Variants in SNRPC observed in about 807,000 individuals in gnomAD.
SNRPC encodes the protein small nuclear ribonucleoprotein polypeptide C, also known as U1 small nuclear ribonucleoprotein C.
In SNRPC, 5 loss-of-function variants were observed where a neutral mutation model predicts 20.0. That is an observed-to-expected ratio of 0.25 (90% CI 0.13 to 0.53). The LOEUF is 0.53. Ranked by LOEUF, SNRPC falls within the 20% of genes least tolerant of loss-of-function variation. The probability of loss-of-function intolerance (pLI) is 0.96; values close to 1 mark genes in which losing one functional copy is unlikely to be tolerated. For synonymous variants in SNRPC, 61 were observed against 58.7 expected, an observed-to-expected ratio of 1.04 and a Z score of -0.18; for missense variants, 112 against 224.1, an observed-to-expected ratio of 0.50 and a Z score of 3.19.
Position 34,762,690 on chromosome 6 carries a change from G to T in SNRPC, c.147G>T (p.Leu49=). The part of the protein sequence containing the change: ...QKWMEEQAQS[L]IDKTTAAFQQ... ...GGATGGAAGAGCAGGCTCAGAGCCT[G>T]ATTGACAAAACAAGTATGTTTCAAT... Residue 49 remains leucine, a synonymous_variant, in exon 3 of 6, where the codon CTG becomes CTT. Transcript: ENST00000244520. 1.3e-6 allele frequency: 2 copies of T among 1,542,424 alleles called. No individual in the cohort carries two copies. The highest frequency in any genetic ancestry group is 2.2e-5 in the South Asian group (2 of 89,412).
chr6:34,772,091 T>C (rs567157881), intron 5 of SNRPC, among the ~76,000 whole-genome samples: 1 of 152,258 alleles, frequency 6.6e-6, no homozygotes, highest in African/African-American at 2.4e-5. Context: ...GTTAAAATAA[T>C]TGAGTAATTA....
chr6:34,762,710 T>A lies in SNRPC; in HGVS notation c.160+7T>A. The stretch of plus-strand genomic sequence containing the variant: ...AGCCTGATTGACAAAACAAGTATGT[T>A]TCAATCTCTTGTTCTGCTGTGGTAA... On this transcript the variant is annotated splice_region_variant and intron_variant, in intron 3 of 5. Coordinates refer to ENST00000244520, the MANE Select transcript of SNRPC (RefSeq NM_003093.3). 1 of 1,359,352 alleles carries A rather than the reference T, an allele frequency of 7.4e-7. No homozygotes were observed. 84.2% of individuals were successfully genotyped at this position (1,359,352 alleles called of 1,614,324 possible).
chr6:34,768,141 TATAGATGCAG>T, intron 4 of SNRPC, 144 bp downstream of exon 4: 1 of 590,344 alleles, frequency 1.7e-6, no homozygotes, highest in African/African-American at 1.9e-5. Context: ...AAATGTTGAA[TATAGATGCAG>T]GTAGTAATAG....
chr6:34,760,106 ATTATC>A (rs1764514545), intron 2 of SNRPC, among the ~76,000 whole-genome samples: 1 of 141,410 alleles, frequency 7.1e-6, no homozygotes, highest in African/African-American at 2.7e-5. Context: ...AGTTCTGTAT[ATTATC>A]TTTTTTTTTT....
intron 3 of SNRPC, among the ~76,000 whole-genome samples, chr6:34,762,960 A>C (rs1333281471): frequency 6.6e-6 from 1 of 152,218 alleles, no homozygotes; most frequent in Non-Finnish European, 1.5e-5. Flanking sequence ...GAGGTGCTTA[A>C]TATTTATCTA....
rs1440463673 is a variant in SNRPC at position 34,757,927 on chromosome 6, C to T, written c.24C>T (p.Tyr8=). The T allele has an allele frequency of 1.2e-6, 2 of 1,613,466 alleles. No homozygotes were observed. The highest frequency in any genetic ancestry group is 1.3e-5 in the African/African-American group (1 of 74,974). Residue 8 remains tyrosine, a synonymous_variant, in exon 2 of 6, where the codon TAC becomes TAT. Coordinates refer to ENST00000244520, the MANE Select transcript of SNRPC (RefSeq NM_003093.3). Reference sequence around the variant, plus strand: ...CTCTTTTCAGGTTTTATTGTGACTACTGCGATACATACCTCACCCATGACT... The same window carrying T: ...CTCTTTTCAGGTTTTATTGTGACTATTGCGATACATACCTCACCCATGACT... MPKFYCD[Y]CDTYLTHDSP...
chr6:34,773,303 A>T lies in SNRPC; in HGVS notation c.356-143A>T. ...TTTACAGATGTGATAAATTTGTTGC[A>T]TTTCTTCTGTCACGTGTGTCTTTTT... On this transcript the variant is annotated intron_variant, in intron 5 of 5. Transcript: ENST00000244520. The surrounding 1 kb of genome is among the most constrained non-coding windows in gnomAD (Gnocchi z 4.1). The T allele has an allele frequency of 1.5e-6, 1 of 647,684 alleles. No individual in the cohort carries two copies. The highest frequency in any genetic ancestry group is 2.6e-6 in the Non-Finnish European group (1 of 383,748). 40.1% of individuals were successfully genotyped at this position (647,684 alleles called of 1,614,324 possible).
chr6:34,764,082 G>A lies in SNRPC; in HGVS notation c.160+1379G>A, dbSNP rs181931994. 2.6e-3 allele frequency among the ~76,000 whole-genome samples: 392 copies of A among 151,974 alleles called. 1 individual carries two copies. The highest frequency in any genetic ancestry group is 8.8e-3 in the African/African-American group (367 of 41,476). On this transcript the variant is annotated intron_variant, in intron 3 of 5. Coordinates refer to ENST00000244520, the MANE Select transcript of SNRPC (RefSeq NM_003093.3). ...TGTCCGGGCACAGTGGCTTACTTAC[G>A]CCTGTAATCTCAGCACTTTGGGAGG...
At chr6:34,759,468 T>C (rs1764504975) in intron 2 of SNRPC, among the ~76,000 whole-genome samples, 2 of 152,228 alleles carry the variant, frequency 1.3e-5, no homozygotes, top group South Asian at 4.1e-4. Context: ...TATTTTGGCA[T>C]GCAACACAAG....
At chr6:34,761,155 T>G (rs1277678728) in intron 2 of SNRPC, among the ~76,000 whole-genome samples, 1 of 152,112 alleles carries the variant, frequency 6.6e-6, no homozygotes, top group Non-Finnish European at 1.5e-5. Flanking sequence ...TGTCTTTTTT[T>G]TTGAGATGGA....
chr6:34,773,136 A>AC lies in SNRPC; in HGVS notation c.356-310_356-309insC, dbSNP rs1764710084. On this transcript the variant is annotated intron_variant, in intron 5 of 5. Transcript: ENST00000244520. This position sits in a 1 kb window ranked among gnomAD's most constrained non-coding sequence, Gnocchi z 4.1. ...GTGAATTTCCCTGAGTGAGAAAAAA[A>AC]GGTCAGTTTAGGGAACTAGTGTCCC... The AC allele has an allele frequency of 4.0e-6, 1 of 250,564 alleles. No individual in the cohort carries two copies. Among genetic ancestry groups the AC allele is most frequent in the Admixed American group, 4.8e-5 (1 of 20,662 alleles). 15.5% of individuals were successfully genotyped at this position (250,564 alleles called of 1,614,324 possible).
intron 1 of SNRPC, 145 bp from the exon 2 acceptor site, chr6:34,757,767 C>T: frequency 6.4e-7 from 1 of 1,573,466 alleles, no homozygotes; most frequent in East Asian, 2.3e-5. Flanking sequence ...GTTTATGTGT[C>T]GACGCTTTGA....
intron 5 of SNRPC, 62 bp downstream of exon 5, chr6:34,770,457 A>T: frequency 9.4e-7 from 1 of 1,059,580 alleles, no homozygotes. Context: ...TGCATAGCTG[A>T]CACTTAATGG....
intron 4 of SNRPC, among the ~76,000 whole-genome samples, chr6:34,768,519 A>C (rs950607744): frequency 6.6e-6 from 1 of 152,168 alleles, no homozygotes. Context: ...TGGGAGGCTG[A>C]GGTGGGTGGA....
At chr6:34,767,029 AAAT>A (rs1387055425) in intron 3 of SNRPC, among the ~76,000 whole-genome samples, 2 of 152,322 alleles carry the variant, frequency 1.3e-5, no homozygotes, top group African/African-American at 4.8e-5. Context: ...TCTGAAAAAA[AAAT>A]TTTTAAATTG....
chr6:34,758,212 A>C (rs182242769), intron 2 of SNRPC, among the ~76,000 whole-genome samples: 41 of 152,188 alleles, frequency 2.7e-4, no homozygotes, highest in Non-Finnish European at 5.3e-4. Context: ...CTTGAGGTCC[A>C]GGCTGCAGTG....
rs1554122414 is a variant in SNRPC at position 34,767,899 on chromosome 6, C to CCTTAT, written c.161-7_161-6insTATCT. The CCTTAT allele has an allele frequency of 2.7e-6, 4 of 1,508,692 alleles. 1 individual carries two copies. The highest frequency in any genetic ancestry group is 1.5e-5 in the African/African-American group (1 of 67,438). 93.5% of individuals were successfully genotyped at this position (1,508,692 alleles called of 1,614,324 possible). A position where few individuals can be genotyped will look rare whatever the true frequency, so the allele number is the denominator to read the frequency against. ...TCTTTTTTTTTTTTTTTTTCCTCACCCTCCAAAGCGGCTGCATTTCAACAA... is the reference window on the plus strand; with the variant it reads ...TCTTTTTTTTTTTTTTTTTCCTCACCCTTATCTCCAAAGCGGCTGCATTTCAACAA... On this transcript the variant is annotated splice_polypyrimidine_tract_variant and intron_variant, in intron 3 of 5. Coordinates refer to ENST00000244520, the MANE Select transcript of SNRPC (RefSeq NM_003093.3).
chr6:34,768,526 T>TGG (rs987242978), intron 4 of SNRPC, among the ~76,000 whole-genome samples: 42 of 152,052 alleles, frequency 2.8e-4, no homozygotes, highest in African/African-American at 8.7e-4. Flanking sequence ...CTGAGGTGGG[T>TGG]GGATCACCTG....
At chr6:34,771,470 A>G (rs908442114) in intron 5 of SNRPC, among the ~76,000 whole-genome samples, 2 of 152,160 alleles carry the variant, frequency 1.3e-5, no homozygotes, top group Non-Finnish European at 2.9e-5. Context: ...TTGTGATATA[A>G]TCTAGTTCCA....
Sources: gnomAD v4.1 joint callset for allele counts (sites outside exome capture counted in the v4.1 genomes callset) on GRCh38, gnomAD v4.1.1 for gene constraint, Gnocchi (gnomAD v3.1) non-coding constraint, MANE v1.5 for transcripts, NCBI Gene and HGNC (gene_info 2026-07-23, HGNC 2026-07-21) for gene names.